FMO4: variants seen among roughly 807,000 people sequenced by gnomAD.
FMO4 encodes the protein dimethylaniline monooxygenase [N-oxide-forming] 4.
In FMO4, 38 loss-of-function variants were observed where a neutral mutation model predicts 43.3. That is an observed-to-expected ratio of 0.88 (90% CI 0.68 to 1.15). The LOEUF (loss-of-function observed/expected upper bound fraction) is 1.15, where lower values mean the gene tolerates loss of function less well. Among genes scored for constraint, FMO4 ranks in the 50% most tolerant of loss-of-function variants. The probability of loss-of-function intolerance (pLI) is 0.00; values close to 1 mark genes in which losing one functional copy is unlikely to be tolerated. For missense variants in FMO4, 631 were observed against 663.3 expected (o/e 0.95, Z 0.54); for synonymous variants, 224 against 232.2 (o/e 0.96, Z 0.32).
intron 9 of FMO4, among the ~76,000 whole-genome samples, chr1:171,340,286 T>C (rs1436144243): frequency 1.3e-5 from 2 of 152,220 alleles, no homozygotes; most frequent in African/African-American, 4.8e-5. Context: ...ACTGAAATGT[T>C]TGGATTCTCT....
At chr1:171,328,157 C>T (rs1662743051) in intron 5 of FMO4, among the ~76,000 whole-genome samples, 2 of 152,128 alleles carry the variant, frequency 1.3e-5, no homozygotes, top group African/African-American at 4.8e-5. Context: ...TCTCCTGTCT[C>T]AGCCTCCTGA....
At chr1:171,315,058 G>T (rs562369404) in intron 1 of FMO4, among the ~76,000 whole-genome samples, 1 of 152,170 alleles carries the variant, frequency 6.6e-6, no homozygotes. Context: ...TTGGAAAGCC[G>T]AGGAGGGCAG....
intron 8 of FMO4, among the ~76,000 whole-genome samples, chr1:171,335,730 AT>A (rs1663090898): frequency 6.6e-6 from 1 of 152,194 alleles, no homozygotes; most frequent in Non-Finnish European, 1.5e-5. Flanking sequence ...ACAAAAAAAA[AT>A]GTTATTTGAA....
At chr1:171,329,853 T>C (rs1217634521) in intron 5 of FMO4, among the ~76,000 whole-genome samples, 2 of 152,244 alleles carry the variant, frequency 1.3e-5, no homozygotes, top group African/African-American at 4.8e-5. Flanking sequence ...GCACCTCACT[T>C]GGACTGCGGG....
intron 9 of FMO4, among the ~76,000 whole-genome samples, chr1:171,339,513 C>T (rs1290956098): frequency 6.6e-6 from 1 of 152,122 alleles, no homozygotes; most frequent in Non-Finnish European, 1.5e-5. Context: ...CAGCGAAGAT[C>T]CTTTCTTATA....
At chr1:171,325,867 A>T (rs1438533025) in intron 5 of FMO4, among the ~76,000 whole-genome samples, 1 of 25,484 alleles carries the variant, frequency 3.9e-5, no homozygotes, top group Admixed American at 9.1e-4. Context: ...TTTTTTTTTG[A>T]GACAGGGTCT....
Position 171,323,174 on chromosome 1 carries a change from GA to G in FMO4, c.306del (p.Lys102AsnfsTer12), listed in dbSNP as rs1277802844. 1 of 1,612,656 alleles carries G rather than the reference GA, an allele frequency of 6.2e-7. No individual in the cohort carries two copies. Among genetic ancestry groups the G allele is most frequent in the South Asian group, 1.1e-5 (1 of 91,010 alleles). ...QEFAEHFDLL[K>X]YIQFKTTVCS... ...AATTTGCTGAGCACTTTGACCTCCT[GA>G]AATACATTCAGTTTAAGGTAAGATA... is the stretch of plus-strand genomic sequence containing the variant. On this transcript the variant is annotated frameshift_variant, in exon 4 of 10. Transcript: ENST00000367749. LOFTEE classifies it high-confidence loss of function.
At position 171,334,416 on chromosome 1, in the gene FMO4, A is replaced by G; in HGVS notation, c.833A>G (p.Lys278Arg). The G allele has an allele frequency of 6.4e-7, 1 of 1,563,346 alleles. No homozygotes were observed. Among genetic ancestry groups the G allele is most frequent in the East Asian group, 2.3e-5 (1 of 44,326 alleles). Residue 278 changes from lysine (K) to arginine (R), a missense_variant, in exon 8 of 10, where the codon AAA (lysine) becomes AGA (arginine). By Grantham distance (26) the Lys-to-Arg change is conservative (BLOSUM62 2). Transcript: ENST00000367749. ...DYGLSITKGKKAKFIVNDELP... is the reference protein window; with the variant it reads ...DYGLSITKGKRAKFIVNDELP... ...TTTTCTCCTGTGTGTCAAAGGAAAAAAGCAAAATTCATTGTGAATGATGAG... is the reference window on the plus strand; with the variant it reads ...TTTTCTCCTGTGTGTCAAAGGAAAAGAGCAAAATTCATTGTGAATGATGAG...
chr1:171,340,698 CGAGT>C (rs1339943811), intron 9 of FMO4, among the ~76,000 whole-genome samples: 14 of 152,104 alleles, frequency 9.2e-5, no homozygotes, highest in Admixed American at 6.6e-5. Flanking sequence ...GGATGAAGGG[CGAGT>C]GAGTCTAAGG....
Position 171,314,377 on chromosome 1 carries a change from TAA to T in FMO4, c.-186_-185del, listed in dbSNP as rs1662115120. ...AAACACTTTCCTTGACTTTGAGAAA[TAA>T]TTTAAGTCAAAGAATCTGCTCTATG... On this transcript the variant is annotated 5_prime_UTR_variant, in exon 1 of 10. Transcript: ENST00000367749. The T allele has an allele frequency of 6.6e-6, 1 of 151,946 alleles. No individual in the cohort carries two copies. The highest frequency in any genetic ancestry group is 1.5e-5 in the Non-Finnish European group (1 of 67,992). The allele number at this position is 151,946 out of a possible 1,614,324, so 9.4% of individuals were successfully genotyped here. A position where few individuals can be genotyped will look rare whatever the true frequency, so the allele number is the denominator to read the frequency against.
At chr1:171,320,929 C>G (rs1046488757) in intron 3 of FMO4, among the ~76,000 whole-genome samples, 1 of 152,024 alleles carries the variant, frequency 6.6e-6, no homozygotes, top group African/African-American at 2.4e-5. Flanking sequence ...GAGAGAGAAG[C>G]CTTCATAGAA....
chr1:171,318,334 T>TAATAATAATAATAAG (rs1350236441), intron 2 of FMO4, among the ~76,000 whole-genome samples: 43 of 150,856 alleles, frequency 2.9e-4, no homozygotes, highest in Middle Eastern at 3.5e-3. Context: ...ATAATAATAA[T>TAATAATAATAATAAG]AATAATAATA....
chr1:171,326,258 A>G (rs1662663061), intron 5 of FMO4, among the ~76,000 whole-genome samples: 1 of 152,228 alleles, frequency 6.6e-6, no homozygotes, highest in African/African-American at 2.4e-5. Flanking sequence ...AGAAAGTACC[A>G]GGATTATTTC....
Position 171,323,204 on chromosome 1 carries a change from T to C in FMO4, c.321+12T>C. On this transcript the variant is annotated intron_variant, in intron 4 of 9. Transcript: ENST00000367749. ...ACATTCAGTTTAAGGTAAGATACTTTGGGTTATGGAAGATGAATAGATGGG... is the reference window on the plus strand; with the variant it reads ...ACATTCAGTTTAAGGTAAGATACTTCGGGTTATGGAAGATGAATAGATGGG... The C allele has an allele frequency of 6.3e-7, 1 of 1,594,860 alleles. No individual in the cohort carries two copies. The highest frequency in any genetic ancestry group is 8.6e-7 in the Non-Finnish European group (1 of 1,165,432).
chr1:171,319,310 CCTT>C (rs1367006157), intron 2 of FMO4, among the ~76,000 whole-genome samples: 1 of 152,160 alleles, frequency 6.6e-6, no homozygotes, highest in Non-Finnish European at 1.5e-5. Flanking sequence ...TTCAAACACT[CCTT>C]CTCTTCTCTC....
chr1:171,327,067 G>C (rs1376055352), intron 5 of FMO4, among the ~76,000 whole-genome samples: 1 of 152,136 alleles, frequency 6.6e-6, no homozygotes, highest in African/African-American at 2.4e-5. Context: ...CAATATGAAA[G>C]ATATAAAATC....
chr1:171,335,142 T>C (rs894878098), intron 8 of FMO4, among the ~76,000 whole-genome samples: 1 of 152,214 alleles, frequency 6.6e-6, no homozygotes, highest in Non-Finnish European at 1.5e-5. Flanking sequence ...ATATACACTA[T>C]GAATGAAGTT....
chr1:171,338,473 C>CACTGCCT (rs1285320852), intron 9 of FMO4, among the ~76,000 whole-genome samples: 1 of 152,192 alleles, frequency 6.6e-6, no homozygotes, highest in African/African-American at 2.4e-5. Context: ...GATATGCCCT[C>CACTGCCT]ACTGCCTACT....
chr1:171,342,050 G>A lies in FMO4; in HGVS notation c.*211G>A, dbSNP rs545981616. On this transcript the variant is annotated 3_prime_UTR_variant, in exon 10 of 10. Coordinates refer to ENST00000367749, the MANE Select transcript of FMO4 (RefSeq NM_002022.3). ...GCATCTTCTACCCTGCTACCTCAGT[G>A]ATTATTCTAAAATAAATATATATGA... The A allele has an allele frequency of 5.6e-6, 3 of 534,702 alleles. No individual in the cohort carries two copies. The African/African-American group carries it at 5.7e-5, about 10-fold the overall frequency. The allele number at this position is 534,702 out of a possible 1,614,324, so 33.1% of individuals were successfully genotyped here. A position where few individuals can be genotyped will look rare whatever the true frequency, so the allele number is the denominator to read the frequency against.
Sources: gnomAD v4.1 joint callset for allele counts (sites outside exome capture counted in the v4.1 genomes callset) on GRCh38, gnomAD v4.1.1 for gene constraint, MANE v1.5 for transcripts, NCBI Gene and HGNC (gene_info 2026-07-23, HGNC 2026-07-21) for gene names.